The following ZNF410 variants were observed in gnomAD, a reference collection of about 807,000 sequenced individuals.
ZNF410 encodes zinc finger protein 410.
Under a neutral mutation model 54.8 loss-of-function variants are expected in ZNF410, and 18 were observed. The ratio of observed to expected loss-of-function variants is 0.33; its 90% confidence interval spans 0.23 to 0.49. The LOEUF (loss-of-function observed/expected upper bound fraction) is 0.49. Among genes scored for constraint, ZNF410 ranks in the 20% least tolerant of loss-of-function variants. ZNF410 has a pLI of 0.99. For synonymous variants in ZNF410, 191 were observed against 207.3 expected (o/e 0.92, Z 0.68); for missense variants, 405 against 569.6 (o/e 0.71, Z 2.94).
intron 2 of ZNF410, chr14:73,893,231 C>A (rs1211996783): frequency 6.6e-6 from 1 of 152,088 alleles, no homozygotes; most frequent in Non-Finnish European, 1.5e-5. Flanking sequence ...TATCATTTCT[C>A]TGTTTGACAG....
intron 1 of ZNF410, among the ~76,000 whole-genome samples, chr14:73,887,695 TTTTG>T (rs1172432176): frequency 2.1e-4 from 32 of 152,116 alleles, no homozygotes; most frequent in Non-Finnish European, 4.1e-4. Context: ...AAGTCGGGCA[TTTTG>T]TTAGGGAGTG....
chr14:73,900,118 G>A (rs967216021), intron 5 of ZNF410, among the ~76,000 whole-genome samples: 19 of 151,334 alleles, frequency 1.3e-4, no homozygotes, highest in African/African-American at 1.5e-4. Flanking sequence ...GCTTGAACCC[G>A]GGAGGTGGAG....
chr14:73,903,822 T>C, intron 5 of ZNF410, 138 bp from the exon 6 acceptor site: 3 of 1,218,858 alleles, frequency 2.5e-6, no homozygotes, highest in South Asian at 1.5e-5. Context: ...GTTAAGTGCA[T>C]ACAAAGATAA....
intron 6 of ZNF410, 51 bp downstream of exon 6, chr14:73,904,161 ATT>A: frequency 1.3e-5 from 21 of 1,573,068 alleles, no homozygotes; most frequent in Non-Finnish European, 1.8e-5. Context: ...GCAAAAGTTG[ATT>A]CTTCCAGAGG....
At chr14:73,923,963 T>C (rs2055791820) in intron 11 of ZNF410, among the ~76,000 whole-genome samples, 1 of 152,138 alleles carries the variant, frequency 6.6e-6, no homozygotes, top group Admixed American at 6.6e-5. Flanking sequence ...CCCTTTCTTT[T>C]CTCCAGAAAT....
chr14:73,904,778 G>T (rs2055457010), intron 6 of ZNF410, 124 bp from the exon 7 acceptor site: 2 of 1,096,862 alleles, frequency 1.8e-6, no homozygotes, highest in South Asian at 3.4e-5. Flanking sequence ...AAAGTCTTCA[G>T]TTGATTCTGA....
Position 73,931,553 on chromosome 14 carries a change from G to C in ZNF410, c.*12G>C, listed in dbSNP as rs1396149180. On this transcript the variant is annotated 3_prime_UTR_variant, in exon 12 of 12. Transcript: ENST00000555044. ...AAAGACGGACATGAGCGTGGGTGCT[G>C]ACTCCTGGAAGAGCAACTCTATCTG... 1 of 1,610,388 alleles carries C rather than the reference G, an allele frequency of 6.2e-7. No individual in the cohort carries two copies. Among genetic ancestry groups the C allele is most frequent in the African/African-American group, 1.3e-5 (1 of 74,612 alleles).
rs191134426 is a variant in ZNF410 at position 73,923,511 on chromosome 14, A to C, written c.1387A>C (p.Asn463His). 1.0e-4 allele frequency: 169 copies of C among 1,612,784 alleles called. 2 individuals carry two copies. Among genetic ancestry groups the C allele is most frequent in the Non-Finnish European group, 6.6e-5 (78 of 1,179,474 alleles). ...SYEVSVLTAV[N>H]PQELLNQGDL... ...TGAAGTTTCTGTCTTAACTGCAGTA[A>C]ATCCACAAGAGGTAAAGTGGTCTCT... is the stretch of plus-strand genomic sequence containing the variant. Residue 463 changes from asparagine (N) to histidine (H), a missense_variant, in exon 11 of 12, where the codon AAT becomes CAT. By Grantham distance (68) the Asn-to-His change is moderately conservative. This residue lies in a region of ZNF410 where 127 missense variants were observed against 141.3 expected (regional missense o/e 0.90). Transcript: ENST00000555044.
intron 2 of ZNF410, among the ~76,000 whole-genome samples, chr14:73,892,754 C>T (rs1409693908): frequency 2.0e-5 from 3 of 152,112 alleles, no homozygotes; most frequent in African/African-American, 7.2e-5. Flanking sequence ...AGACAAGTCA[C>T]TTAATGTCTT....
chr14:73,918,900 G>T (rs555824896), intron 8 of ZNF410, among the ~76,000 whole-genome samples: 1 of 146,974 alleles, frequency 6.8e-6, no homozygotes, highest in East Asian at 2.0e-4. Context: ...GGGTTTCACC[G>T]TGTTAGCCAG....
intron 8 of ZNF410, among the ~76,000 whole-genome samples, chr14:73,912,000 A>G (rs2055587347): frequency 6.6e-6 from 1 of 152,110 alleles, no homozygotes; most frequent in South Asian, 2.1e-4. Flanking sequence ...AGTAAGCTCT[A>G]AAAGCTTCAA....
At chr14:73,890,489 A>G (rs1432152310) in intron 1 of ZNF410, among the ~76,000 whole-genome samples, 1 of 152,030 alleles carries the variant, frequency 6.6e-6, no homozygotes, top group Admixed American at 6.6e-5. Flanking sequence ...TGCCCAGCCT[A>G]AGTGCCCTCT....
chr14:73,929,384 G>T (rs1416153334), intron 11 of ZNF410, among the ~76,000 whole-genome samples: 1 of 152,034 alleles, frequency 6.6e-6, no homozygotes. Flanking sequence ...AGAACTTTCA[G>T]GTGCCAGAGA....
intron 5 of ZNF410, 90 bp from the exon 6 acceptor site, chr14:73,903,870 C>T: frequency 6.7e-7 from 1 of 1,492,346 alleles, no homozygotes; most frequent in Non-Finnish European, 9.1e-7. Flanking sequence ...TTAATGATCA[C>T]TAGGAGTAAA....
chr14:73,931,709 C>A lies in ZNF410; in HGVS notation c.*168C>A, dbSNP rs2055918964. ...GGTATAGAAGATGGATGTAGGAGAG[C>A]TTCTTTTCTAACTACCATCTGATCA... On this transcript the variant is annotated 3_prime_UTR_variant, in exon 12 of 12. Transcript: ENST00000555044. 1 of 643,014 alleles carries A rather than the reference C, an allele frequency of 1.6e-6. No individual in the cohort carries two copies. The highest frequency in any genetic ancestry group is 1.7e-5 in the South Asian group (1 of 59,682). 39.8% of individuals were successfully genotyped at this position (643,014 alleles called of 1,614,324 possible).
chr14:73,898,592 A>C (rs10483856), intron 5 of ZNF410: 3 of 434,436 alleles, frequency 6.9e-6, no homozygotes, highest in Non-Finnish European at 1.2e-5. Flanking sequence ...TAAACTTCAT[A>C]TACTTAGAGC....
chr14:73,901,770 A>T (rs557108849), intron 5 of ZNF410, among the ~76,000 whole-genome samples: 1 of 151,408 alleles, frequency 6.6e-6, no homozygotes, highest in Non-Finnish European at 1.5e-5. Flanking sequence ...ACAAAAAAAA[A>T]ATAGAAAAAA....
chr14:73,915,116 T>G (rs1196109059), intron 8 of ZNF410, among the ~76,000 whole-genome samples: 1 of 150,634 alleles, frequency 6.6e-6, no homozygotes, highest in African/African-American at 2.4e-5. Flanking sequence ...TACAAAATTA[T>G]CCAGGTGTGG....
chr14:73,914,862 A>C (rs545271598), intron 8 of ZNF410: 1 of 150,890 alleles, frequency 6.6e-6, no homozygotes, highest in South Asian at 2.1e-4. Context: ...TCCTGATCTC[A>C]GGTAATCCAC....
Sources: allele counts gnomAD v4.1 joint callset (sites outside exome capture counted in the v4.1 genomes callset), GRCh38; gene constraint gnomAD v4.1.1; regional missense constraint gnomAD v4.1.1; transcripts MANE v1.5; gene names NCBI Gene and HGNC (gene_info 2026-07-23, HGNC 2026-07-21).